Variants in DPYD observed in about 807,000 individuals in gnomAD.
The protein encoded by DPYD is dihydropyrimidine dehydrogenase [NADP(+)].
DPYD carries 109 observed loss-of-function variants against 116.2 expected under a neutral mutation model. That is an observed-to-expected ratio of 0.94 (90% CI 0.80 to 1.10). DPYD has a LOEUF of 1.10. Ranked by LOEUF, DPYD falls within the 50% of genes least tolerant of loss-of-function variation. DPYD has a pLI of 0.00. For synonymous variants in DPYD, 440 were observed against 432.0 expected, an observed-to-expected ratio of 1.02 and a Z score of -0.23; for missense variants, 1,302 against 1,254.5, an observed-to-expected ratio of 1.04 and a Z score of -0.57.
chr1:97,877,520 A>G (rs936198301), intron 2 of DPYD, among the ~76,000 whole-genome samples: 11 of 152,018 alleles, frequency 7.2e-5, no homozygotes, highest in Non-Finnish European at 1.3e-4. Context: ...TGCATGCTCT[A>G]TACAAACACT....
intron 20 of DPYD, among the ~76,000 whole-genome samples, chr1:97,164,858 C>G (rs1178118392): frequency 6.7e-6 from 1 of 149,584 alleles, no homozygotes; most frequent in Non-Finnish European, 1.5e-5. Flanking sequence ...CCCAAAACAA[C>G]GTACAGATTC....
intron 5 of DPYD, among the ~76,000 whole-genome samples, chr1:97,705,407 G>T (rs550824462): frequency 2.6e-5 from 4 of 152,116 alleles, no homozygotes; most frequent in African/African-American, 9.6e-5. Context: ...CCTTGCGATA[G>T]TTTGCTGAAA....
In DPYD at chr1:97,746,942, G is replaced by GT. The variant is rs953809330; in HGVS notation, c.234-6464dup. On this transcript the variant is annotated intron_variant, in intron 3 of 22. Coordinates refer to ENST00000370192, the MANE Select transcript of DPYD (RefSeq NM_000110.4). ...TTTTTTGTTGTTGTTAGTGGTGTGT[G>GT]TTTTTTTTTTGTTGCTAAACGAATG... Among the ~76,000 whole-genome samples the GT allele has an allele frequency of 7.7e-3, 1,133 of 147,098 alleles. 11 individuals are homozygous for GT. Among genetic ancestry groups the GT allele is most frequent in the South Asian group, 0.021 (99 of 4,666 alleles).
chr1:97,559,056 TG>T (rs1651944790), intron 11 of DPYD, among the ~76,000 whole-genome samples: 1 of 152,172 alleles, frequency 6.6e-6, no homozygotes, highest in African/African-American at 2.4e-5. Context: ...TCCTTTAATC[TG>T]GTTTGGACCA....
chr1:97,595,891 T>G (rs1203762138), intron 8 of DPYD, among the ~76,000 whole-genome samples: 2 of 151,942 alleles, frequency 1.3e-5, no homozygotes, highest in Non-Finnish European at 1.5e-5. Flanking sequence ...AATTGTAACT[T>G]CTCTATAAAA....
At chr1:97,315,462 T>G (rs1167606108) in intron 16 of DPYD, among the ~76,000 whole-genome samples, 1 of 151,994 alleles carries the variant, frequency 6.6e-6, no homozygotes, top group African/African-American at 2.4e-5. Context: ...TTTCCAATTT[T>G]GCTTCCACTT....
chr1:97,887,859 C>T (rs1442819124), intron 1 of DPYD, among the ~76,000 whole-genome samples: 1 of 151,944 alleles, frequency 6.6e-6, no homozygotes, highest in Non-Finnish European at 1.5e-5. Context: ...AGTGAGTTCT[C>T]ACGATATGTG....
intron 1 of DPYD, among the ~76,000 whole-genome samples, chr1:97,906,606 T>C (rs1244399521): frequency 3.3e-5 from 5 of 152,112 alleles, no homozygotes; most frequent in African/African-American, 1.2e-4. Context: ...GAGTCCACCC[T>C]AATCCACGGG....
intron 20 of DPYD, among the ~76,000 whole-genome samples, chr1:97,122,690 C>T (rs1474817229): frequency 6.6e-6 from 1 of 152,064 alleles, no homozygotes; most frequent in Non-Finnish European, 1.5e-5. Context: ...CTGTTACATG[C>T]CTGATGATAC....
At chr1:97,649,025 G>A (rs1658428745) in intron 8 of DPYD, among the ~76,000 whole-genome samples, 1 of 151,944 alleles carries the variant, frequency 6.6e-6, no homozygotes. Flanking sequence ...TACATAATTA[G>A]TAAGAAGAAC....
At chr1:97,307,702 G>A (rs1667255232) in intron 16 of DPYD, among the ~76,000 whole-genome samples, 1 of 151,896 alleles carries the variant, frequency 6.6e-6, no homozygotes, top group Non-Finnish European at 1.5e-5. Flanking sequence ...GGCATAGTGT[G>A]CATTATGAAT....
intron 5 of DPYD, among the ~76,000 whole-genome samples, chr1:97,719,027 A>T (rs987694069): frequency 9.2e-5 from 14 of 151,708 alleles, no homozygotes; most frequent in African/African-American, 3.4e-4. Flanking sequence ...TCCTAGAGTG[A>T]GTCACAATCA....
intron 14 of DPYD, among the ~76,000 whole-genome samples, chr1:97,408,364 A>G (rs922934820): frequency 6.6e-6 from 1 of 152,124 alleles, no homozygotes; most frequent in African/African-American, 2.4e-5. Context: ...GCATGTATAC[A>G]CTTTTACTAG....
chr1:97,386,820 A>C (rs1356919), intron 14 of DPYD, among the ~76,000 whole-genome samples: 3 of 151,904 alleles, frequency 2.0e-5, no homozygotes, highest in South Asian at 2.1e-4. Flanking sequence ...TTAAAAGAGA[A>C]AGCAATTTTT....
chr1:97,552,304 A>G (rs1651381797), intron 11 of DPYD, among the ~76,000 whole-genome samples: 1 of 152,176 alleles, frequency 6.6e-6, no homozygotes, highest in South Asian at 2.1e-4. Context: ...CACAAATTAA[A>G]TTGAAGTTCT....
chr1:97,374,747 AAAG>A (rs1293014126), intron 15 of DPYD, among the ~76,000 whole-genome samples: 1 of 133,304 alleles, frequency 7.5e-6, no homozygotes, highest in Non-Finnish European at 1.6e-5. Context: ...AAAAAAAAAA[AAAG>A]TTATTATAGT....
intron 8 of DPYD, among the ~76,000 whole-genome samples, chr1:97,634,603 C>T (rs1371710096): frequency 1.3e-5 from 2 of 151,910 alleles, no homozygotes; most frequent in African/African-American, 4.8e-5. Context: ...AGAAATTCAT[C>T]CACAAGGTAG....
chr1:97,593,371 G>A lies in DPYD; in HGVS notation c.975C>T (p.His325=), dbSNP rs141376128. 40 of 1,614,028 alleles carry A rather than the reference G, an allele frequency of 2.5e-5. No homozygotes were observed. The African/African-American group carries it at 3.7e-4, about 15-fold the overall frequency. The change falls in exon 10 of 23, where the codon CAC becomes CAT. Residue 325 remains histidine (H), a synonymous_variant. Transcript: ENST00000370192. ...KGSKAGMCAC[H]SPLPSIRGVV... ...CTCCCCGTATCGATGGCAATGGAGAGTGACAGGCGCACATTCCTGAATGAT... is the reference window on the plus strand; with the variant it reads ...CTCCCCGTATCGATGGCAATGGAGAATGACAGGCGCACATTCCTGAATGAT...
intron 12 of DPYD, among the ~76,000 whole-genome samples, chr1:97,542,435 T>G (rs1650516456): frequency 6.6e-6 from 1 of 152,146 alleles, no homozygotes; most frequent in Non-Finnish European, 1.5e-5. Context: ...GTACCCCTCA[T>G]GGAGTGAGCA....
Sources: allele counts gnomAD v4.1 joint callset (sites outside exome capture counted in the v4.1 genomes callset), GRCh38; gene constraint gnomAD v4.1.1; transcripts MANE v1.5; gene names NCBI Gene and HGNC (gene_info 2026-07-23, HGNC 2026-07-21).